EPN2: variants seen among roughly 807,000 people sequenced by gnomAD.
The protein encoded by EPN2 is epsin-2.
EPN2 carries 34 observed loss-of-function variants against 61.7 expected under a neutral mutation model. The observed-to-expected ratio is 0.55, with a 90% confidence interval of 0.42 to 0.73. The LOEUF (loss-of-function observed/expected upper bound fraction) is 0.73. Among genes scored for constraint, EPN2 ranks in the 30% least tolerant of loss-of-function variants. The pLI, the probability that EPN2 is intolerant of heterozygous loss-of-function variation, is 0.00. For missense variants in EPN2, 714 were observed against 839.2 expected, an observed-to-expected ratio of 0.85 and a Z score of 1.84; for synonymous variants, 349 against 353.6, an observed-to-expected ratio of 0.99 and a Z score of 0.15.
chr17:19,291,023 C>T (rs1479216090), intron 4 of EPN2, among the ~76,000 whole-genome samples: 2 of 152,216 alleles, frequency 1.3e-5, no homozygotes, highest in Non-Finnish European at 2.9e-5. Flanking sequence ...CCTCTCACAC[C>T]CCACCCGGCA....
chr17:19,305,294 G>T (rs1905781044), intron 4 of EPN2, among the ~76,000 whole-genome samples: 1 of 151,992 alleles, frequency 6.6e-6, no homozygotes, highest in Non-Finnish European at 1.5e-5. Flanking sequence ...GCTAAATTTT[G>T]TATGTTTAGT....
At position 19,335,686 on chromosome 17, in the gene EPN2, G is replaced by C; in HGVS notation, c.*1432G>C. 2.5e-6 allele frequency: 1 copy of C among 399,316 alleles called. No homozygotes were observed. The highest frequency in any genetic ancestry group is 4.4e-6 in the Non-Finnish European group (1 of 226,004). 24.7% of individuals were successfully genotyped at this position (399,316 alleles called of 1,614,324 possible). On this transcript the variant is annotated 3_prime_UTR_variant, in exon 11 of 11. Transcript: ENST00000314728. ...TGCTAACTCCAGATATTATTTTTAAGTTGGAGACCTAAAAATAATTCTCTT... is the reference window on the plus strand; with the variant it reads ...TGCTAACTCCAGATATTATTTTTAACTTGGAGACCTAAAAATAATTCTCTT...
intron 7 of EPN2, among the ~76,000 whole-genome samples, chr17:19,323,162 G>A (rs919756099): frequency 1.3e-5 from 2 of 152,186 alleles, no homozygotes; most frequent in African/African-American, 4.8e-5. Context: ...GTGCATGAGA[G>A]ACTCATAGTT....
At chr17:19,305,196 G>A (rs1469605197) in intron 4 of EPN2, among the ~76,000 whole-genome samples, 1 of 149,632 alleles carries the variant, frequency 6.7e-6, no homozygotes, top group African/African-American at 2.5e-5. Context: ...ATCTTGGCTC[G>A]CTGCAACCTC....
intron 1 of EPN2, among the ~76,000 whole-genome samples, chr17:19,253,635 G>A (rs911136858): frequency 2.6e-5 from 4 of 152,046 alleles, no homozygotes; most frequent in Non-Finnish European, 5.9e-5. Flanking sequence ...CTAGGTTCAG[G>A]TGATCCGCCT....
chr17:19,335,580 C>A lies in EPN2; in HGVS notation c.*1326C>A. On this transcript the variant is annotated 3_prime_UTR_variant, in exon 11 of 11. Transcript: ENST00000314728. Reference sequence around the variant, plus strand: ...GTGGGGTGGGGGGTGCTTCTGTGCCCACGGGTCCCTGGGCAACAGTCCCTA... The same window carrying A: ...GTGGGGTGGGGGGTGCTTCTGTGCCAACGGGTCCCTGGGCAACAGTCCCTA... 2 of 1,116,016 alleles carry A rather than the reference C, an allele frequency of 1.8e-6. No homozygotes were observed. Among genetic ancestry groups the A allele is most frequent in the South Asian group, 3.6e-5 (2 of 54,964 alleles). 69.1% of individuals were successfully genotyped at this position (1,116,016 alleles called of 1,614,324 possible).
At chr17:19,245,473 C>T (rs1288608160) in intron 1 of EPN2, among the ~76,000 whole-genome samples, 3 of 135,734 alleles carry the variant, frequency 2.2e-5, no homozygotes, top group Non-Finnish European at 4.5e-5. Flanking sequence ...AGTGCAGTGG[C>T]GGGATCTCAG....
chr17:19,279,644 A>G (rs1597990594), intron 1 of EPN2, among the ~76,000 whole-genome samples: 1 of 151,568 alleles, frequency 6.6e-6, no homozygotes, highest in East Asian at 1.9e-4. Context: ...TTCACCATTC[A>G]CAGGATGGTC....
chr17:19,328,933 C>T, intron 8 of EPN2, 46 bp downstream of exon 8: 1 of 1,548,792 alleles, frequency 6.5e-7, no homozygotes, highest in Non-Finnish European at 8.8e-7. Flanking sequence ...TCTGAGCGCC[C>T]ACGGGCCCTG....
Position 19,298,499 on chromosome 17 carries a change from G to A in EPN2, c.767-11386G>A, listed in dbSNP as rs1388163569. 2.0e-5 allele frequency among the ~76,000 whole-genome samples: 3 copies of A among 152,170 alleles called. No individual in the cohort carries two copies. The East Asian group carries it at 5.8e-4, about 29-fold the overall frequency. On this transcript the variant is annotated intron_variant, in intron 4 of 10. Coordinates refer to ENST00000314728, the MANE Select transcript of EPN2 (RefSeq NM_014964.5). ...ATTATAGGCGTGAGCCACGGCACCCGGCCTATTTATGTTTTTTTTAGAGCT... is the reference window on the plus strand; with the variant it reads ...ATTATAGGCGTGAGCCACGGCACCCAGCCTATTTATGTTTTTTTTAGAGCT...
At chr17:19,299,256 G>A (rs904703323) in intron 4 of EPN2, among the ~76,000 whole-genome samples, 7 of 152,190 alleles carry the variant, frequency 4.6e-5, no homozygotes, top group Non-Finnish European at 8.8e-5. Context: ...ATTGTTGCAG[G>A]CATTTAACTT....
At chr17:19,240,977 T>A (rs896524156) in intron 1 of EPN2, among the ~76,000 whole-genome samples, 1 of 152,214 alleles carries the variant, frequency 6.6e-6, no homozygotes, top group Non-Finnish European at 1.5e-5. Context: ...AGCAATTGTG[T>A]GTCAGTTGCA....
chr17:19,321,864 A>G (rs1359942735), intron 7 of EPN2, among the ~76,000 whole-genome samples: 1 of 152,074 alleles, frequency 6.6e-6, no homozygotes, highest in Non-Finnish European at 1.5e-5. Context: ...AAGTCACACC[A>G]CAGCTCTTCG....
At chr17:19,299,580 T>G (rs1905369880) in intron 4 of EPN2, among the ~76,000 whole-genome samples, 1 of 152,236 alleles carries the variant, frequency 6.6e-6, no homozygotes, top group South Asian at 2.1e-4. Context: ...AAAAAGCTGC[T>G]TAGTGTTTTG....
chr17:19,308,297 C>T, intron 4 of EPN2: 1 of 845,020 alleles, frequency 1.2e-6, no homozygotes, highest in Non-Finnish European at 1.4e-6. Flanking sequence ...TTGTCTAGAA[C>T]TCCTGGCCTC....
chr17:19,271,150 T>C (rs1334903265), intron 1 of EPN2, among the ~76,000 whole-genome samples: 1 of 150,944 alleles, frequency 6.6e-6, no homozygotes, highest in African/African-American at 2.4e-5. Flanking sequence ...GGCTGGGCCT[T>C]GGTCTCAGGG....
chr17:19,272,277 G>A (rs1324418086), intron 1 of EPN2, among the ~76,000 whole-genome samples: 7 of 152,174 alleles, frequency 4.6e-5, no homozygotes, highest in Non-Finnish European at 7.3e-5. Flanking sequence ...CTCAGAGGAG[G>A]GAAGGGTTCT....
At chr17:19,307,944 A>G in intron 4 of EPN2, 1 of 985,372 alleles carries the variant, frequency 1.0e-6, no homozygotes, top group Non-Finnish European at 1.2e-6. Flanking sequence ...TCTCTCAAAG[A>G]GGAAAACCCT....
chr17:19,300,258 A>G (rs1905417395), intron 4 of EPN2, among the ~76,000 whole-genome samples: 1 of 152,204 alleles, frequency 6.6e-6, no homozygotes, highest in Non-Finnish European at 1.5e-5. Context: ...ACAAGGTGTC[A>G]GATCCCACGC....
Sources: allele counts gnomAD v4.1 joint callset (sites outside exome capture counted in the v4.1 genomes callset), GRCh38; gene constraint gnomAD v4.1.1; transcripts MANE v1.5; gene names NCBI Gene and HGNC (gene_info 2026-07-23, HGNC 2026-07-21).